The following GDAP1 variants were observed in gnomAD, a reference collection of about 807,000 sequenced individuals.
GDAP1 encodes the protein ganglioside induced differentiation associated protein 1, also known as ganglioside-induced differentiation-associated protein 1.
Under a neutral mutation model 40.1 loss-of-function variants are expected in GDAP1, and 34 were observed. The ratio of observed to expected loss-of-function variants is 0.85; its 90% CI spans 0.64 to 1.13. The LOEUF (loss-of-function observed/expected upper bound fraction) is 1.13, where lower values mean the gene tolerates loss of function less well. Ranked by LOEUF, GDAP1 falls within the 50% of genes most tolerant of loss-of-function variation. The pLI is 0.00. For synonymous variants in GDAP1, 170 were observed against 157.4 expected (o/e 1.08, Z -0.60); for missense variants, 374 against 433.7 (o/e 0.86, Z 1.22).
chr8:74,352,211 C>T (rs1808909794), intron 2 of GDAP1, among the ~76,000 whole-genome samples: 1 of 152,176 alleles, frequency 6.6e-6, no homozygotes, highest in South Asian at 2.1e-4. Flanking sequence ...ATCCTTGCCA[C>T]TTACACATTG....
chr8:74,488,561 A>G (rs1281877212), intron 2 of GDAP1: 5 of 152,212 alleles, frequency 3.3e-5, no homozygotes, highest in Non-Finnish European at 7.3e-5. Flanking sequence ...TACTCTTTGC[A>G]TACACATTGA....
intron 2 of GDAP1, among the ~76,000 whole-genome samples, chr8:74,483,370 G>A (rs959428738): frequency 6.6e-6 from 1 of 152,090 alleles, no homozygotes; most frequent in African/African-American, 2.4e-5. Flanking sequence ...TTAGGTTGGT[G>A]CAAAAGTAAT....
intron 2 of GDAP1, among the ~76,000 whole-genome samples, chr8:74,444,622 A>G (rs925938051): frequency 2.6e-5 from 4 of 152,208 alleles, no homozygotes; most frequent in Non-Finnish European, 5.9e-5. Flanking sequence ...CCAGTTCTAC[A>G]TAATGTGAGA....
intron 2 of GDAP1, among the ~76,000 whole-genome samples, chr8:74,422,317 CTTT>C (rs764999849): frequency 0.11 from 5,909 of 55,348 alleles, 228 homozygotes; most frequent in East Asian, 0.18. Flanking sequence ...TTCTTTCTTT[CTTT>C]CTTTCTTTCT....
At chr8:74,405,485 G>C (rs1413706575) in intron 2 of GDAP1, among the ~76,000 whole-genome samples, 2 of 150,020 alleles carry the variant, frequency 1.3e-5, no homozygotes, top group Non-Finnish European at 2.9e-5. Flanking sequence ...ATGGGTGAAG[G>C]ACCCACAGAT....
intron 2 of GDAP1, among the ~76,000 whole-genome samples, chr8:74,383,968 A>C (rs1373804741): frequency 6.6e-6 from 1 of 152,180 alleles, no homozygotes; most frequent in Non-Finnish European, 1.5e-5. Flanking sequence ...CATAACACGC[A>C]TGAATTCAAC....
chr8:74,478,044 G>C (rs184166234), intron 2 of GDAP1, among the ~76,000 whole-genome samples: 71 of 151,928 alleles, frequency 4.7e-4, no homozygotes, highest in African/African-American at 1.7e-3. Flanking sequence ...GAGCCAGGAC[G>C]GCTTTACTGT....
chr8:74,484,484 T>G (rs1806751007), intron 2 of GDAP1, among the ~76,000 whole-genome samples: 1 of 152,208 alleles, frequency 6.6e-6, no homozygotes, highest in African/African-American at 2.4e-5. Context: ...AACACATTGC[T>G]GATTCTGCAA....
intron 2 of GDAP1, among the ~76,000 whole-genome samples, chr8:74,391,235 A>G (rs1317925223): frequency 6.6e-6 from 1 of 152,036 alleles, no homozygotes; most frequent in Admixed American, 6.5e-5. Flanking sequence ...ATGAAAAAAA[A>G]AACTCCTACA....
Position 74,366,701 on chromosome 8 carries a change from A to C in GDAP1, c.*2334A>C, listed in dbSNP as rs1336080362. 2 of 452,502 alleles carry C rather than the reference A, an allele frequency of 4.4e-6. No individual in the cohort carries two copies. The highest frequency in any genetic ancestry group is 4.7e-5 in the Admixed American group (2 of 42,388). The allele number at this position is 452,502 out of a possible 1,614,324, so 28.0% of individuals were successfully genotyped here. A position where few individuals can be genotyped will look rare whatever the true frequency, so the allele number is the denominator to read the frequency against. ...TGTTATTGCAGCAGATGCCTTTTGA[A>C]TCCATTTTCCATAATTGCGGATAGT... On this transcript the variant is annotated 3_prime_UTR_variant, in exon 6 of 6. Transcript: ENST00000220822.
intron 2 of GDAP1, among the ~76,000 whole-genome samples, chr8:74,396,923 A>G (rs1454458206): frequency 1.3e-5 from 2 of 152,224 alleles, no homozygotes; most frequent in South Asian, 4.1e-4. Context: ...TCCCTGAGGA[A>G]TCGCCACACT....
At chr8:74,482,118 T>TG (rs1563481476) in intron 2 of GDAP1, among the ~76,000 whole-genome samples, 30 of 117,586 alleles carry the variant, frequency 2.6e-4, no homozygotes, top group African/African-American at 3.5e-4. Flanking sequence ...GGGTTTTTTT[T>TG]TGGGGGGGGG....
chr8:74,371,778 T>A (rs1228348793), downstream of GDAP1, among the ~76,000 whole-genome samples: 7 of 145,060 alleles, frequency 4.8e-5, 1 homozygote, highest in African/African-American at 1.2e-4. Context: ...TTTTTTATTT[T>A]TTTTTATTAT....
intron 2 of GDAP1, among the ~76,000 whole-genome samples, chr8:74,393,708 T>C (rs543755204): frequency 2.0e-5 from 3 of 152,310 alleles, no homozygotes; most frequent in South Asian, 2.1e-4. Flanking sequence ...AAGTAGATCA[T>C]TGAATACTGC....
chr8:74,367,595 C>T (rs532008842), downstream of GDAP1, among the ~76,000 whole-genome samples: 2 of 152,102 alleles, frequency 1.3e-5, no homozygotes, highest in East Asian at 3.9e-4. Context: ...CAGATATAAC[C>T]ATCATATTGT....
intron 2 of GDAP1, among the ~76,000 whole-genome samples, chr8:74,434,758 T>C (rs1806068729): frequency 6.6e-6 from 1 of 152,204 alleles, no homozygotes; most frequent in African/African-American, 2.4e-5. Flanking sequence ...CATCTCATGA[T>C]AGTCCTTCAG....
downstream of GDAP1, among the ~76,000 whole-genome samples, chr8:74,367,328 T>C (rs1251111110): frequency 2.0e-5 from 3 of 152,236 alleles, no homozygotes; most frequent in Admixed American, 6.5e-5. Flanking sequence ...AATTACCTTC[T>C]ACATTTCTAG....
chr8:74,444,214 G>GCACACA (rs1281652112), intron 2 of GDAP1, among the ~76,000 whole-genome samples: 1 of 1,062 alleles, frequency 9.4e-4, no homozygotes, highest in South Asian at 0.01. Flanking sequence ...ACACACGCGC[G>GCACACA]CACACACACA....
Position 74,375,258 on chromosome 8 carries a change from C to T in GDAP1, c.165+23937C>T, listed in dbSNP as rs551839145. ...AAGAGAATCTCTTGAACCTGGGAGG[C>T]AGAGGTTGCAGTGAGCCGAGATCGC... On this transcript the variant is annotated intron_variant, in intron 2 of 2. Coordinates refer to the GDAP1 transcript ENST00000523640. Among the ~76,000 whole-genome samples, 6 of 151,842 alleles carry T rather than the reference C, an allele frequency of 4.0e-5. No homozygotes were observed. The East Asian group carries it at 5.8e-4, about 15-fold the overall frequency.
Sources: gnomAD v4.1 joint callset for allele counts (sites outside exome capture counted in the v4.1 genomes callset) on GRCh38, gnomAD v4.1.1 for gene constraint, MANE v1.5 for transcripts, NCBI Gene and HGNC (gene_info 2026-07-23, HGNC 2026-07-21) for gene names.